TAF4B: variants seen among roughly 807,000 people sequenced by gnomAD.
TAF4B encodes the protein transcription initiation factor TFIID subunit 4B.
In TAF4B, 38 loss-of-function variants were observed where a neutral mutation model predicts 86.4. The observed-to-expected ratio is 0.44, with a 90% CI of 0.34 to 0.58. The LOEUF (loss-of-function observed/expected upper bound fraction) is 0.58. Among genes scored for constraint, TAF4B ranks in the 20% least tolerant of loss-of-function variants. The probability of loss-of-function intolerance (pLI) is 0.02; values close to 1 mark genes in which losing one functional copy is unlikely to be tolerated. For missense variants in TAF4B, 988 were observed against 1,027.6 expected, an observed-to-expected ratio of 0.96 and a Z score of 0.53; for synonymous variants, 388 against 391.2, an observed-to-expected ratio of 0.99 and a Z score of 0.10.
intron 1 of TAF4B, among the ~76,000 whole-genome samples, chr18:26,255,455 T>G (rs889892485): frequency 1.3e-4 from 19 of 151,874 alleles, no homozygotes; most frequent in Admixed American, 4.6e-4. Context: ...ACTAAAAAAT[T>G]AGCTGGGTCT....
intron 9 of TAF4B, among the ~76,000 whole-genome samples, chr18:26,306,930 A>G (rs1163533422): frequency 2.6e-5 from 4 of 151,976 alleles, no homozygotes; most frequent in Non-Finnish European, 5.9e-5. Context: ...GGCACCCGCC[A>G]CCACACCCGG....
At chr18:26,316,442 G>A (rs1354876587) in intron 10 of TAF4B, among the ~76,000 whole-genome samples, 1 of 151,810 alleles carries the variant, frequency 6.6e-6, no homozygotes, top group Non-Finnish European at 1.5e-5. Flanking sequence ...CCAGGCTGGA[G>A]TGCAGTGGTG....
chr18:26,248,711 C>T (rs1174503878), intron 1 of TAF4B, among the ~76,000 whole-genome samples: 3 of 51,808 alleles, frequency 5.8e-5, no homozygotes, highest in South Asian at 8.6e-4. Context: ...TTTTTTGGTA[C>T]ATTTGGGATC....
intron 9 of TAF4B, among the ~76,000 whole-genome samples, chr18:26,314,660 T>G (rs11659321): frequency 0.024 from 3,645 of 152,322 alleles, 61 homozygotes; most frequent in Non-Finnish European, 0.038. Flanking sequence ...CTAGTAAGCT[T>G]CTTCCCAAGG....
chr18:26,380,905 A>C (rs965950347), intron 14 of TAF4B, among the ~76,000 whole-genome samples: 1 of 151,890 alleles, frequency 6.6e-6, no homozygotes, highest in Non-Finnish European at 1.5e-5. Flanking sequence ...GTTCATTTTT[A>C]ATTTTCCCAG....
chr18:26,350,444 G>T (rs1256435239), intron 13 of TAF4B, among the ~76,000 whole-genome samples: 3 of 152,190 alleles, frequency 2.0e-5, no homozygotes, highest in Non-Finnish European at 4.4e-5. Flanking sequence ...GGAAGATGTA[G>T]GAGGATCACT....
At chr18:26,247,416 C>G (rs1025627950) in intron 1 of TAF4B, among the ~76,000 whole-genome samples, 1 of 152,150 alleles carries the variant, frequency 6.6e-6, no homozygotes, top group Admixed American at 6.5e-5. Context: ...TCCAAATTCT[C>G]AGCCGTCTGA....
intron 14 of TAF4B, among the ~76,000 whole-genome samples, chr18:26,386,312 A>G (rs1306318473): frequency 6.9e-6 from 1 of 144,818 alleles, no homozygotes; most frequent in African/African-American, 2.5e-5. Context: ...AGGTCTCTTT[A>G]TTTTTTTTTT....
chr18:26,380,545 G>A (rs1047442504), intron 14 of TAF4B, among the ~76,000 whole-genome samples: 3 of 152,150 alleles, frequency 2.0e-5, no homozygotes, highest in Non-Finnish European at 4.4e-5. Context: ...AATACTGAAT[G>A]TCTTTCTCGT....
intron 8 of TAF4B, 66 bp downstream of exon 8, chr18:26,292,447 T>G (rs961532414): frequency 6.6e-7 from 1 of 1,522,980 alleles, no homozygotes; most frequent in Non-Finnish European, 8.9e-7. Context: ...TGTATAACTT[T>G]TTTGTTGCTG....
chr18:26,264,058 C>T (rs531708026), intron 1 of TAF4B, among the ~76,000 whole-genome samples: 140 of 152,204 alleles, frequency 9.2e-4, no homozygotes, highest in Admixed American at 3.2e-3. Flanking sequence ...GTACAGCTGC[C>T]CAGGACACAC....
At chr18:26,280,980 C>G (rs1379864060) in intron 5 of TAF4B, among the ~76,000 whole-genome samples, 1 of 152,048 alleles carries the variant, frequency 6.6e-6, no homozygotes. Context: ...TAAAAAAGAA[C>G]AAGATCATGT....
chr18:26,230,909 T>C (rs1216065475), intron 1 of TAF4B, among the ~76,000 whole-genome samples: 2 of 152,034 alleles, frequency 1.3e-5, no homozygotes, highest in Admixed American at 6.6e-5. Flanking sequence ...ATCACACATA[T>C]CAGTGTGTTG....
In TAF4B at chr18:26,317,827, G is replaced by A. The variant is rs563430782; in HGVS notation, c.2002+2429G>A. Among the ~76,000 whole-genome samples the A allele has an allele frequency of 2.5e-3, 380 of 152,208 alleles. 1 individual carries two copies. Among genetic ancestry groups the A allele is most frequent in the Non-Finnish European group, 4.4e-3 (301 of 68,002 alleles). Reference sequence around the variant, plus strand: ...TTTTATGACCTAATTGTCTCCCAAAGGCCCCAACTCCAAATACCATCTCAC... The same window carrying A: ...TTTTATGACCTAATTGTCTCCCAAAAGCCCCAACTCCAAATACCATCTCAC... On this transcript the variant is annotated intron_variant, in intron 10 of 14. Transcript: ENST00000269142.
At chr18:26,286,639 T>C in intron 7 of TAF4B, 140 bp downstream of exon 7, 1 of 848,904 alleles carries the variant, frequency 1.2e-6, no homozygotes, top group Non-Finnish European at 1.7e-6. Context: ...TTTTTTTACC[T>C]CATTTGCTTT....
intron 5 of TAF4B, among the ~76,000 whole-genome samples, chr18:26,281,055 C>T (rs2056442799): frequency 6.6e-6 from 1 of 152,132 alleles, no homozygotes; most frequent in Non-Finnish European, 1.5e-5. Flanking sequence ...AAACCAGATA[C>T]TACATGTTCT....
intron 1 of TAF4B, among the ~76,000 whole-genome samples, chr18:26,259,415 C>T (rs2879342): frequency 3.3e-5 from 5 of 152,122 alleles, no homozygotes; most frequent in African/African-American, 1.2e-4. Flanking sequence ...GGTATATCTC[C>T]TAATGCATCC....
At chr18:26,317,430 G>A (rs891093941) in intron 10 of TAF4B, among the ~76,000 whole-genome samples, 2 of 152,182 alleles carry the variant, frequency 1.3e-5, no homozygotes, top group Non-Finnish European at 2.9e-5. Flanking sequence ...ACAGGGATAA[G>A]CAACTTTTTC....
intron 1 of TAF4B, among the ~76,000 whole-genome samples, chr18:26,243,055 A>C (rs1189275756): frequency 6.6e-6 from 1 of 151,978 alleles, no homozygotes; most frequent in Non-Finnish European, 1.5e-5. Context: ...TCTGACAATT[A>C]TGTGTCTTGC....
Sources: allele counts gnomAD v4.1 joint callset (sites outside exome capture counted in the v4.1 genomes callset), GRCh38; gene constraint gnomAD v4.1.1; transcripts MANE v1.5; gene names NCBI Gene and HGNC (gene_info 2026-07-23, HGNC 2026-07-21).